CHERP: variants seen among roughly 807,000 people sequenced by gnomAD.
CHERP encodes the protein ERPROT 213-21.
CHERP carries 8 observed loss-of-function variants against 113.8 expected under a neutral mutation model. That is an observed-to-expected ratio of 0.07 (90% confidence interval 0.04 to 0.13). CHERP has a LOEUF of 0.13. Among genes scored for constraint, CHERP ranks in the 10% least tolerant of loss-of-function variants. CHERP has a pLI of 1.00. For synonymous variants in CHERP, 559 were observed against 524.5 expected, an observed-to-expected ratio of 1.07 and a Z score of -0.90; for missense variants, 884 against 1,298.2, an observed-to-expected ratio of 0.68 and a Z score of 4.90.
At position 16,525,717 on chromosome 19, in the gene CHERP, G is replaced by C; in HGVS notation, c.1306-40C>G. ...ACAGGCTTGAGCCCTGCGTGGTCTA[G>C]GCCCTAGTGCTCGGCAGCATCACAG... On this transcript the variant is annotated intron_variant, in intron 9 of 16. Coordinates refer to ENST00000546361, the MANE Select transcript of CHERP (RefSeq NM_006387.6). This position sits in a 1 kb window ranked among gnomAD's most constrained non-coding sequence, Gnocchi z 6.5. 9.0e-6 allele frequency: 13 copies of C among 1,438,770 alleles called. No individual in the cohort carries two copies. The highest frequency in any genetic ancestry group is 1.4e-5 in the South Asian group (1 of 70,874). 89.1% of individuals were successfully genotyped at this position (1,438,770 alleles called of 1,614,324 possible). A position where few individuals can be genotyped will look rare whatever the true frequency, so the allele number is the denominator to read the frequency against.
intron 11 of CHERP, among the ~76,000 whole-genome samples, chr19:16,522,121 GC>G (rs1433679510): frequency 6.6e-6 from 1 of 152,138 alleles, no homozygotes; most frequent in Non-Finnish European, 1.5e-5. Context: ...GCTTGCCTGG[GC>G]CCCCGCCCGC....
Position 16,519,750 on chromosome 19 carries a change from A to G in CHERP, c.2463-35T>C. ...AGACAGGTTATTCTTTTTAAGAAGT[A>G]ACTGAGACATTTATTGGAATGACAG... On this transcript the variant is annotated intron_variant, in intron 15 of 16. Coordinates refer to ENST00000546361, the MANE Select transcript of CHERP (RefSeq NM_006387.6). This position sits in a 1 kb window ranked among gnomAD's most constrained non-coding sequence, Gnocchi z 6.0. The G allele has an allele frequency of 6.5e-7, 1 of 1,539,790 alleles. No homozygotes were observed. The highest frequency in any genetic ancestry group is 9.0e-7 in the Non-Finnish European group (1 of 1,112,628).
At chr19:16,542,101 G>T (rs2085784033) in intron 1 of CHERP, 58 bp from the exon 2 acceptor site, 13 of 1,537,612 alleles carry the variant, frequency 8.5e-6, no homozygotes, top group Non-Finnish European at 1.1e-5. Context: ...AAAGCCGGGG[G>T]ACTCGGCGCC....
chr19:16,535,369 G>A lies in CHERP; in HGVS notation c.384+83C>T. The A allele has an allele frequency of 2.1e-6, 3 of 1,452,930 alleles. No individual in the cohort carries two copies. Among genetic ancestry groups the A allele is most frequent in the Non-Finnish European group, 2.8e-6 (3 of 1,069,718 alleles). 90.0% of individuals were successfully genotyped at this position (1,452,930 alleles called of 1,614,324 possible). A position where few individuals can be genotyped will look rare whatever the true frequency, so the allele number is the denominator to read the frequency against. On this transcript the variant is annotated intron_variant, in intron 3 of 16. Coordinates refer to ENST00000546361, the MANE Select transcript of CHERP (RefSeq NM_006387.6). The surrounding 1 kb of genome is among the most constrained non-coding windows in gnomAD (Gnocchi z 4.3). Reference sequence around the variant, plus strand: ...GGGGGCCCTGTCCTCACTGACACCTGTTATTCATTCTGATGAGCAGACGCA... The same window carrying A: ...GGGGGCCCTGTCCTCACTGACACCTATTATTCATTCTGATGAGCAGACGCA...
chr19:16,533,852 TAGA>T (rs1275713870), intron 3 of CHERP, among the ~76,000 whole-genome samples: 3 of 151,592 alleles, frequency 2.0e-5, no homozygotes, highest in Admixed American at 6.6e-5. Flanking sequence ...CGACAGGCAA[TAGA>T]AGAAGAGGAT....
chr19:16,525,125 G>C lies in CHERP; in HGVS notation c.1741+117C>G. On this transcript the variant is annotated intron_variant, in intron 10 of 16. Coordinates refer to ENST00000546361, the MANE Select transcript of CHERP (RefSeq NM_006387.6). This position sits in a 1 kb window ranked among gnomAD's most constrained non-coding sequence, Gnocchi z 6.5. ...GGCTCCTCGGACGTCCCATGACCCT[G>C]TGTCTGTCACTGTGCACTCAGGAGC... is the stretch of plus-strand genomic sequence containing the variant. The C allele has an allele frequency of 2.0e-6, 2 of 1,013,552 alleles. No homozygotes were observed. Among genetic ancestry groups the C allele is most frequent in the Non-Finnish European group, 2.6e-6 (2 of 755,232 alleles). The allele number at this position is 1,013,552 out of a possible 1,614,324, so 62.8% of individuals were successfully genotyped here. A position where few individuals can be genotyped will look rare whatever the true frequency, so the allele number is the denominator to read the frequency against.
At chr19:16,540,703 CTT>C (rs1161941914) in intron 2 of CHERP, among the ~76,000 whole-genome samples, 3 of 141,210 alleles carry the variant, frequency 2.1e-5, no homozygotes, top group Non-Finnish European at 1.5e-5. Context: ...TTCTTTCTTT[CTT>C]TTTTTTTTTT....
In CHERP at chr19:16,532,465, G is replaced by C. The variant is rs137897976; in HGVS notation, c.674+133C>G. On this transcript the variant is annotated intron_variant, in intron 5 of 16. Coordinates refer to ENST00000546361, the MANE Select transcript of CHERP (RefSeq NM_006387.6). The surrounding 1 kb of genome is among the most constrained non-coding windows in gnomAD (Gnocchi z 4.4). ...GTGGCTCACAGAGACCCCCCACCCG[G>C]GGTCCCCGGACAAGTGCCCCCTAGT... 99 of 1,148,728 alleles carry C rather than the reference G, an allele frequency of 8.6e-5. 1 individual carries two copies. The East Asian group carries it at 2.2e-3, about 25-fold the overall frequency. The allele number at this position is 1,148,728 out of a possible 1,614,324, so 71.2% of individuals were successfully genotyped here.
chr19:16,536,560 G>A (rs1171422582), intron 2 of CHERP, among the ~76,000 whole-genome samples: 5 of 152,178 alleles, frequency 3.3e-5, no homozygotes, highest in African/African-American at 1.2e-4. Context: ...GGGGCTGACT[G>A]TGCCCTCCAG....
At position 16,519,096 on chromosome 19, in the gene CHERP, G is replaced by T; in HGVS notation, c.*63C>A. The T allele has an allele frequency of 6.9e-7, 1 of 1,446,010 alleles. No individual in the cohort carries two copies. The highest frequency in any genetic ancestry group is 9.5e-7 in the Non-Finnish European group (1 of 1,055,148). The allele number at this position is 1,446,010 out of a possible 1,614,324, so 89.6% of individuals were successfully genotyped here. The stretch of plus-strand genomic sequence containing the variant: ...CTGTCACTGCAATCTTCCTCTGCCA[G>T]TCAGCCAGGAAGGTCCCACAGCCGG... On this transcript the variant is annotated 3_prime_UTR_variant, in exon 17 of 17. Transcript: ENST00000546361. The surrounding 1 kb of genome is among the most constrained non-coding windows in gnomAD (Gnocchi z 6.0).
rs757530882 is a variant in CHERP at position 16,523,654 on chromosome 19, A to G, written c.1742-364T>C. On this transcript the variant is annotated intron_variant, in intron 10 of 16. Transcript: ENST00000546361. This position sits in a 1 kb window ranked among gnomAD's most constrained non-coding sequence, Gnocchi z 4.0. ...GACAGAGCCTTCAAAGACACAAATG[A>G]GTTAAAATGAAGCCATAGTGGCCCG... 6.6e-6 allele frequency among the ~76,000 whole-genome samples: 1 copy of G among 152,118 alleles called. No homozygotes were observed. The highest frequency in any genetic ancestry group is 1.5e-5 in the Non-Finnish European group (1 of 68,034).
chr19:16,519,494 G>T lies in CHERP; in HGVS notation c.2557+127C>A. 1 of 1,251,864 alleles carries T rather than the reference G, an allele frequency of 8.0e-7. No individual in the cohort carries two copies. The highest frequency in any genetic ancestry group is 1.1e-6 in the Non-Finnish European group (1 of 871,334). 77.5% of individuals were successfully genotyped at this position (1,251,864 alleles called of 1,614,324 possible). On this transcript the variant is annotated intron_variant, in intron 16 of 16. Coordinates refer to ENST00000546361, the MANE Select transcript of CHERP (RefSeq NM_006387.6). This position sits in a 1 kb window ranked among gnomAD's most constrained non-coding sequence, Gnocchi z 6.0. The stretch of plus-strand genomic sequence containing the variant: ...CAGGCCGGCCCTGTCTAGAGGGTCT[G>T]GGTGGAGTCAGAACCGGCCTGACTC...
In CHERP at chr19:16,518,884, T is replaced by C; in HGVS notation, c.*275A>G. The C allele has an allele frequency of 2.1e-6, 1 of 476,676 alleles. No individual in the cohort carries two copies. Among genetic ancestry groups the C allele is most frequent in the Non-Finnish European group, 3.7e-6 (1 of 269,080 alleles). The allele number at this position is 476,676 out of a possible 1,614,324, so 29.5% of individuals were successfully genotyped here. ...AAGAATTTACTCGGGCGGAGGGTCT[T>C]GTGTTTTTTGCTTCGCTATAAAGGA... On this transcript the variant is annotated 3_prime_UTR_variant, in exon 17 of 17. Coordinates refer to ENST00000546361, the MANE Select transcript of CHERP (RefSeq NM_006387.6).
At position 16,525,965 on chromosome 19, in the gene CHERP, G is replaced by A. The variant is rs1418795938; in HGVS notation, c.1306-288C>T. ...CTGCACCCGCACACAGGCCGCCCGCGCCACAAGGTGCTCCCCGCTACCACT... is the reference window on the plus strand; with the variant it reads ...CTGCACCCGCACACAGGCCGCCCGCACCACAAGGTGCTCCCCGCTACCACT... On this transcript the variant is annotated intron_variant, in intron 9 of 16. Coordinates refer to ENST00000546361, the MANE Select transcript of CHERP (RefSeq NM_006387.6). This position sits in a 1 kb window ranked among gnomAD's most constrained non-coding sequence, Gnocchi z 6.5. Among the ~76,000 whole-genome samples the A allele has an allele frequency of 1.3e-5, 2 of 152,218 alleles. No individual in the cohort carries two copies. Among genetic ancestry groups the A allele is most frequent in the Non-Finnish European group, 2.9e-5 (2 of 68,030 alleles).
intron 2 of CHERP, among the ~76,000 whole-genome samples, chr19:16,540,346 C>A (rs1050749672): frequency 1.3e-5 from 2 of 151,600 alleles, no homozygotes; most frequent in Non-Finnish European, 2.9e-5. Context: ...GGATTACAGG[C>A]ACAAGCCACT....
chr19:16,519,416 G>C lies in CHERP; in HGVS notation c.2558-64C>G. ...AGGCAGATGGGGGTGCACGTGGGGGGCTGAATGTCCAGACAGGCAGTGTAG... is the reference window on the plus strand; with the variant it reads ...AGGCAGATGGGGGTGCACGTGGGGGCCTGAATGTCCAGACAGGCAGTGTAG... On this transcript the variant is annotated intron_variant, in intron 16 of 16. Coordinates refer to ENST00000546361, the MANE Select transcript of CHERP (RefSeq NM_006387.6). The surrounding 1 kb of genome is among the most constrained non-coding windows in gnomAD (Gnocchi z 6.0). 6.6e-7 allele frequency: 1 copy of C among 1,514,496 alleles called. No individual in the cohort carries two copies. The highest frequency in any genetic ancestry group is 9.0e-7 in the Non-Finnish European group (1 of 1,109,904). The allele number at this position is 1,514,496 out of a possible 1,614,324, so 93.8% of individuals were successfully genotyped here. A position where few individuals can be genotyped will look rare whatever the true frequency, so the allele number is the denominator to read the frequency against.
intron 11 of CHERP, among the ~76,000 whole-genome samples, chr19:16,522,359 T>C (rs539161431): frequency 5.3e-5 from 8 of 151,936 alleles, no homozygotes; most frequent in East Asian, 3.9e-4. Flanking sequence ...CCCGGGTTCA[T>C]GCCATTCTCC....
At chr19:16,534,052 C>CTTTTTTTT (rs200659711) in intron 3 of CHERP, among the ~76,000 whole-genome samples, 1 of 133,824 alleles carries the variant, frequency 7.5e-6, no homozygotes. Context: ...ACTTTCTTTT[C>CTTTTTTTT]TTTTCTTTTT....
rs762720332 is a variant in CHERP at position 16,533,157 on chromosome 19, G to A, written c.385-9C>T. 2.8e-5 allele frequency: 44 copies of A among 1,575,462 alleles called. No homozygotes were observed. The highest frequency in any genetic ancestry group is 1.7e-4 in the Middle Eastern group (1 of 6,028). On this transcript the variant is annotated splice_polypyrimidine_tract_variant and intron_variant, in intron 3 of 16. Coordinates refer to ENST00000546361, the MANE Select transcript of CHERP (RefSeq NM_006387.6). ...GCCGCTGTCACTTGCTCCTGCGGGC[G>A]GGGGTCGGTGGGGTCGAGAACACAT...
Sources: gnomAD v4.1 joint callset for allele counts (sites outside exome capture counted in the v4.1 genomes callset) on GRCh38, gnomAD v4.1.1 for gene constraint, Gnocchi (gnomAD v3.1) non-coding constraint, MANE v1.5 for transcripts, NCBI Gene and HGNC (gene_info 2026-07-23, HGNC 2026-07-21) for gene names.